KIAA1958: variants seen among roughly 807,000 people sequenced by gnomAD.
The protein encoded by KIAA1958 is uncharacterized protein KIAA1958.
Under a neutral mutation model 47.2 loss-of-function variants are expected in KIAA1958, and 14 were observed. That is an observed-to-expected ratio of 0.30 (90% CI 0.20 to 0.46). The LOEUF is 0.46. Among genes scored for constraint, KIAA1958 ranks in the 20% least tolerant of loss-of-function variants. The probability of loss-of-function intolerance (pLI) is 1.00; values close to 1 mark genes in which losing one functional copy is unlikely to be tolerated. For synonymous variants in KIAA1958, 354 were observed against 353.3 expected, an observed-to-expected ratio of 1.00 and a Z score of -0.02; for missense variants, 803 against 909.2, an observed-to-expected ratio of 0.88 and a Z score of 1.50.
intron 2 of KIAA1958, among the ~76,000 whole-genome samples, chr9:112,605,823 T>C (rs1326503513): frequency 6.6e-6 from 1 of 152,248 alleles, no homozygotes; most frequent in Non-Finnish European, 1.5e-5. Context: ...AGGTCTTAAC[T>C]AAAAGATATT....
At chr9:112,588,512 G>A (rs1252595435) in intron 2 of KIAA1958, among the ~76,000 whole-genome samples, 2 of 152,250 alleles carry the variant, frequency 1.3e-5, no homozygotes, top group East Asian at 1.9e-4. Context: ...AAAGAAAAAA[G>A]CATGCTACCG....
intron 1 of KIAA1958, among the ~76,000 whole-genome samples, chr9:112,498,432 A>T (rs1834079291): frequency 6.6e-6 from 1 of 152,218 alleles, no homozygotes; most frequent in South Asian, 2.1e-4. Flanking sequence ...GAAGTTTTAC[A>T]ATAAATTTAG....
At chr9:112,659,136 T>C in intron 3 of KIAA1958, 127 bp from the exon 4 acceptor site, 1 of 749,910 alleles carries the variant, frequency 1.3e-6, no homozygotes, top group Admixed American at 2.4e-5. Flanking sequence ...TTCACTGTTC[T>C]TTCCATTGTG....
At chr9:112,555,153 T>G (rs151137152) in intron 1 of KIAA1958, among the ~76,000 whole-genome samples, 104 of 152,334 alleles carry the variant, frequency 6.8e-4, no homozygotes, top group African/African-American at 2.4e-3. Context: ...GAACATAGAC[T>G]GTCCCCAAAC....
intron 2 of KIAA1958, among the ~76,000 whole-genome samples, chr9:112,621,622 T>C (rs1257336939): frequency 6.6e-6 from 1 of 152,230 alleles, no homozygotes; most frequent in Non-Finnish European, 1.5e-5. Context: ...GAATTATTTT[T>C]ATTTATTTAT....
chr9:112,655,515 A>G (rs1257899400), intron 3 of KIAA1958, among the ~76,000 whole-genome samples: 1 of 152,248 alleles, frequency 6.6e-6, no homozygotes, highest in African/African-American at 2.4e-5. Flanking sequence ...ATTTAACTTG[A>G]TAATACAGGC....
At chr9:112,650,728 T>A (rs1304261243) in intron 3 of KIAA1958, among the ~76,000 whole-genome samples, 3 of 152,114 alleles carry the variant, frequency 2.0e-5, no homozygotes, top group African/African-American at 7.2e-5. Flanking sequence ...TATCTACCCA[T>A]GAAAAGAGAG....
intron 1 of KIAA1958, among the ~76,000 whole-genome samples, chr9:112,549,127 G>C (rs193297950): frequency 2.6e-3 from 397 of 152,322 alleles, no homozygotes; most frequent in Non-Finnish European, 4.4e-3. Context: ...ATATCTGGAT[G>C]ACTAGATTAT....
chr9:112,592,556 A>G (rs548106561), intron 2 of KIAA1958, among the ~76,000 whole-genome samples: 1 of 152,354 alleles, frequency 6.6e-6, no homozygotes, highest in South Asian at 2.1e-4. Flanking sequence ...ATCAAAGTAA[A>G]GCACTTAGAG....
chr9:112,535,004 TTATG>T (rs1834827352), intron 1 of KIAA1958, among the ~76,000 whole-genome samples: 1 of 152,224 alleles, frequency 6.6e-6, no homozygotes, highest in South Asian at 2.1e-4. Context: ...TTGTATATAT[TTATG>T]GTGTACAACA....
At chr9:112,529,931 C>T (rs1834724543) in intron 1 of KIAA1958, among the ~76,000 whole-genome samples, 1 of 152,048 alleles carries the variant, frequency 6.6e-6, no homozygotes, top group Admixed American at 6.6e-5. Flanking sequence ...GCAAGCTCTG[C>T]CTCCTGGGTT....
intron 1 of KIAA1958, among the ~76,000 whole-genome samples, chr9:112,547,499 G>C (rs977534091): frequency 1.3e-5 from 2 of 152,038 alleles, no homozygotes; most frequent in Non-Finnish European, 2.9e-5. Context: ...ATGCGGGGTT[G>C]GGGAGTCAGA....
chr9:112,615,527 AAG>A (rs1291424350), intron 2 of KIAA1958, among the ~76,000 whole-genome samples: 1 of 152,162 alleles, frequency 6.6e-6, no homozygotes, highest in Non-Finnish European at 1.5e-5. Context: ...AATCATCTGA[AAG>A]AAATTAATAA....
At chr9:112,610,234 CAG>C (rs1836303132) in intron 2 of KIAA1958, among the ~76,000 whole-genome samples, 1 of 151,154 alleles carries the variant, frequency 6.6e-6, no homozygotes, top group Admixed American at 6.6e-5. Context: ...ACCCAGTACT[CAG>C]AGGAAATTTA....
intron 1 of KIAA1958, among the ~76,000 whole-genome samples, chr9:112,571,109 T>A (rs572139847): frequency 6.6e-6 from 1 of 152,290 alleles, no homozygotes; most frequent in South Asian, 2.1e-4. Flanking sequence ...GATCTTCACA[T>A]AATCCACTCA....
chr9:112,505,931 G>A (rs1220578208), intron 1 of KIAA1958, among the ~76,000 whole-genome samples: 2 of 152,192 alleles, frequency 1.3e-5, no homozygotes, highest in African/African-American at 2.4e-5. Flanking sequence ...ATCAAACAGA[G>A]AACGATGCGT....
At chr9:112,496,710 C>T (rs1226225206) in intron 1 of KIAA1958, among the ~76,000 whole-genome samples, 1 of 152,180 alleles carries the variant, frequency 6.6e-6, no homozygotes, top group Non-Finnish European at 1.5e-5. Context: ...CGGTGTTCTT[C>T]CTAAAGCCTC....
intron 2 of KIAA1958, among the ~76,000 whole-genome samples, chr9:112,592,022 C>T (rs897649711): frequency 1.3e-5 from 2 of 151,996 alleles, no homozygotes; most frequent in South Asian, 2.1e-4. Flanking sequence ...AGGGTTAGAC[C>T]GCACAGGCTA....
chr9:112,524,615 T>C (rs1267871400), intron 1 of KIAA1958, among the ~76,000 whole-genome samples: 3 of 152,226 alleles, frequency 2.0e-5, no homozygotes, highest in Non-Finnish European at 4.4e-5. Flanking sequence ...ACTAGTGCAG[T>C]GTTATCCAGA....
Sources: gnomAD v4.1 joint callset for allele counts (sites outside exome capture counted in the v4.1 genomes callset) on GRCh38, gnomAD v4.1.1 for gene constraint, MANE v1.5 for transcripts, NCBI Gene and HGNC (gene_info 2026-07-23, HGNC 2026-07-21) for gene names.